The following TGFA variants were observed in gnomAD, a reference collection of about 807,000 sequenced individuals.
TGFA encodes protransforming growth factor alpha.
TGFA carries 12 observed loss-of-function variants against 21.7 expected under a neutral mutation model. The ratio of observed to expected loss-of-function variants is 0.55; its 90% confidence interval spans 0.35 to 0.90. The LOEUF is 0.90. TGFA is among the 40% of genes least tolerant of loss of function. The pLI is 0.01. For missense variants in TGFA, 178 were observed against 210.8 expected (o/e 0.84, Z 0.96); for synonymous variants, 79 against 88.1 (o/e 0.90, Z 0.58).
intron 2 of TGFA, among the ~76,000 whole-genome samples, chr2:70,489,558 A>G (rs1671366493): frequency 6.6e-6 from 1 of 152,242 alleles, no homozygotes; most frequent in South Asian, 2.1e-4. Flanking sequence ...AATGTCTGAG[A>G]GAGGGGCTTT....
intron 1 of TGFA, among the ~76,000 whole-genome samples, chr2:70,543,356 C>T (rs572924956): frequency 6.0e-4 from 91 of 151,734 alleles, no homozygotes; most frequent in African/African-American, 2.2e-3. Context: ...GGCAAAACCC[C>T]ATCTCTACTA....
intron 2 of TGFA, among the ~76,000 whole-genome samples, chr2:70,490,015 T>C (rs1045242103): frequency 6.6e-6 from 1 of 152,158 alleles, no homozygotes; most frequent in East Asian, 1.9e-4. Flanking sequence ...AATGATTTAA[T>C]TGTTATGGGG....
chr2:70,541,500 C>T (rs957834842), intron 1 of TGFA, among the ~76,000 whole-genome samples: 12 of 152,078 alleles, frequency 7.9e-5, no homozygotes, highest in South Asian at 2.1e-4. Context: ...TGTTTTTACA[C>T]GCTGTTTGCA....
At chr2:70,525,790 C>T (rs1553502905) in intron 1 of TGFA, among the ~76,000 whole-genome samples, 1 of 152,104 alleles carries the variant, frequency 6.6e-6, no homozygotes, top group Non-Finnish European at 1.5e-5. Flanking sequence ...GTAGCAGATG[C>T]CCCTTAGGGA....
At chr2:70,529,939 A>C (rs1672767096) in intron 1 of TGFA, among the ~76,000 whole-genome samples, 2 of 152,202 alleles carry the variant, frequency 1.3e-5, no homozygotes, top group African/African-American at 4.8e-5. Context: ...TAACAGAAAC[A>C]GAGCCAGCAG....
chr2:70,544,749 A>G (rs138831249), intron 1 of TGFA, among the ~76,000 whole-genome samples: 19 of 152,360 alleles, frequency 1.2e-4, no homozygotes, highest in African/African-American at 4.3e-4. Flanking sequence ...AGAATTTAGC[A>G]TATGAAAATA....
At chr2:70,506,656 A>C (rs7582571) in intron 2 of TGFA, among the ~76,000 whole-genome samples, 4,715 of 152,322 alleles carry the variant, frequency 0.031, 265 homozygotes, top group African/African-American at 0.11. Context: ...CCGTGTATAC[A>C]AACAGTTGCA....
chr2:70,502,545 T>C (rs982570728), intron 2 of TGFA, among the ~76,000 whole-genome samples: 2 of 152,088 alleles, frequency 1.3e-5, no homozygotes, highest in Non-Finnish European at 2.9e-5. Flanking sequence ...GGTCTTGAAC[T>C]CCTGACCTCG....
At chr2:70,525,738 C>T (rs893005885) in intron 1 of TGFA, among the ~76,000 whole-genome samples, 9 of 152,068 alleles carry the variant, frequency 5.9e-5, no homozygotes. Context: ...CACTGGGAGA[C>T]CTTGACCAGA....
chr2:70,504,479 T>TAC (rs1361394841), intron 2 of TGFA, among the ~76,000 whole-genome samples: 1,132 of 87,032 alleles, frequency 0.013, 14 homozygotes, highest in Middle Eastern at 0.032. Flanking sequence ...CATACATACA[T>TAC]ACATACACAC....
At chr2:70,491,931 G>A (rs1487535411) in intron 2 of TGFA, among the ~76,000 whole-genome samples, 1 of 152,182 alleles carries the variant, frequency 6.6e-6, no homozygotes, top group Admixed American at 6.5e-5. Flanking sequence ...TCTTGTAGGT[G>A]AGAACTTCAA....
At chr2:70,478,653 TTTG>T (rs1671010111) in intron 2 of TGFA, among the ~76,000 whole-genome samples, 1 of 152,252 alleles carries the variant, frequency 6.6e-6, no homozygotes, top group South Asian at 2.1e-4. Flanking sequence ...GATTTTATAA[TTTG>T]TTATTTAAAA....
intron 2 of TGFA, among the ~76,000 whole-genome samples, chr2:70,500,233 G>A (rs1014300456): frequency 6.6e-6 from 1 of 152,126 alleles, no homozygotes; most frequent in Non-Finnish European, 1.5e-5. Context: ...TCTTCAAGGA[G>A]GTACCACATG....
intron 2 of TGFA, among the ~76,000 whole-genome samples, chr2:70,469,365 C>T (rs1670665569): frequency 6.6e-6 from 1 of 152,018 alleles, no homozygotes; most frequent in Non-Finnish European, 1.5e-5. Context: ...GACAGGGTCT[C>T]ACTTCATCAT....
chr2:70,473,891 G>A (rs1553493731), intron 2 of TGFA, among the ~76,000 whole-genome samples: 1 of 152,090 alleles, frequency 6.6e-6, no homozygotes, highest in Non-Finnish European at 1.5e-5. Flanking sequence ...CAGTTCTCTT[G>A]CTGTTCCACT....
At chr2:70,512,958 G>T (rs782609170) in intron 2 of TGFA, among the ~76,000 whole-genome samples, 7 of 152,166 alleles carry the variant, frequency 4.6e-5, no homozygotes, top group Non-Finnish European at 7.3e-5. Context: ...TCACCAGAGA[G>T]CCGGGAAACT....
At chr2:70,538,544 A>T (rs1370533639) in intron 1 of TGFA, among the ~76,000 whole-genome samples, 3 of 152,214 alleles carry the variant, frequency 2.0e-5, no homozygotes, top group African/African-American at 7.2e-5. Context: ...CTGATGACTG[A>T]CTTTGAGGGG....
intron 1 of TGFA, among the ~76,000 whole-genome samples, chr2:70,538,778 TTAGAG>T (rs1471719613): frequency 1.3e-5 from 2 of 152,224 alleles, no homozygotes; most frequent in Admixed American, 6.5e-5. Flanking sequence ...AACACAGGAC[TTAGAG>T]TATTCCATAA....
chr2:70,458,713 G>A (rs868922405), intron 3 of TGFA, among the ~76,000 whole-genome samples: 4 of 152,160 alleles, frequency 2.6e-5, no homozygotes, highest in Admixed American at 2.0e-4. Flanking sequence ...ACTCGTTTAC[G>A]TTCATTTTTG....
Sources: allele counts gnomAD v4.1 joint callset (sites outside exome capture counted in the v4.1 genomes callset), GRCh38; gene constraint gnomAD v4.1.1; transcripts MANE v1.5; gene names NCBI Gene and HGNC (gene_info 2026-07-23, HGNC 2026-07-21).